RBFOX1: variants seen among roughly 807,000 people sequenced by gnomAD.
RBFOX1 encodes the protein RNA binding protein fox-1 homolog 1.
A neutral mutation model predicts 57.7 loss-of-function variants in RBFOX1; 8 were observed. The ratio of observed to expected loss-of-function variants is 0.14; its 90% CI spans 0.08 to 0.25. RBFOX1 has a LOEUF of 0.25. RBFOX1 is among the 10% of genes least tolerant of loss of function. The probability of loss-of-function intolerance (pLI) is 1.00; values close to 1 mark genes in which losing one functional copy is unlikely to be tolerated. For missense variants in RBFOX1, 611 were observed against 548.5 expected (o/e 1.11, Z -1.14); for synonymous variants, 326 against 222.4 (o/e 1.47, Z -4.15).
intron 1 of RBFOX1, among the ~76,000 whole-genome samples, chr16:5,328,956 A>G (rs1467179739): frequency 6.6e-6 from 1 of 152,210 alleles, no homozygotes; most frequent in East Asian, 1.9e-4. Flanking sequence ...GATGCTTCCG[A>G]ATACTTTATT....
At chr16:6,646,659 G>T (rs866146766) in intron 2 of RBFOX1, among the ~76,000 whole-genome samples, 2 of 152,052 alleles carry the variant, frequency 1.3e-5, no homozygotes, top group South Asian at 2.1e-4. Context: ...TGGTCAGAAC[G>T]GGCAAAAGCA....
chr16:7,327,862 T>A (rs566161297), intron 4 of RBFOX1, among the ~76,000 whole-genome samples: 151 of 152,102 alleles, frequency 9.9e-4, no homozygotes, highest in African/African-American at 3.5e-3. Flanking sequence ...ATCATCATCA[T>A]CCCCTTCTGT....
chr16:5,604,642 C>G (rs908483930), downstream of RBFOX1, among the ~76,000 whole-genome samples: 55 of 152,320 alleles, frequency 3.6e-4, no homozygotes, highest in African/African-American at 1.3e-3. Flanking sequence ...TGGGTCCTGC[C>G]TACATGCTAC....
chr16:7,615,609 C>G (rs2058310077), intron 10 of RBFOX1, among the ~76,000 whole-genome samples: 2 of 152,050 alleles, frequency 1.3e-5, no homozygotes, highest in Non-Finnish European at 2.9e-5. Flanking sequence ...CCCACCAATG[C>G]TTTAGTTAAC....
chr16:5,656,420 G>A (rs1018665973), intron 3 of RBFOX1, among the ~76,000 whole-genome samples: 21 of 152,134 alleles, frequency 1.4e-4, no homozygotes, highest in African/African-American at 5.1e-4. Flanking sequence ...GAATAAGTTG[G>A]CATTTTCAAA....
chr16:7,664,336 TAG>T (rs556561126), intron 12 of RBFOX1, among the ~76,000 whole-genome samples: 18 of 152,138 alleles, frequency 1.2e-4, no homozygotes, highest in African/African-American at 4.1e-4. Flanking sequence ...CACATACTAT[TAG>T]AGATATTCTC....
At chr16:7,046,483 C>G (rs1036532363) in intron 3 of RBFOX1, among the ~76,000 whole-genome samples, 5 of 152,058 alleles carry the variant, frequency 3.3e-5, no homozygotes, top group African/African-American at 7.2e-5. Context: ...ATTAAAATAT[C>G]AAGTTCAATA....
At chr16:6,721,343 C>G (rs544823564) in intron 3 of RBFOX1, among the ~76,000 whole-genome samples, 1 of 151,924 alleles carries the variant, frequency 6.6e-6, no homozygotes, top group Non-Finnish European at 1.5e-5. Context: ...CTTGGGAGGC[C>G]AAGGCAAGGG....
intron 4 of RBFOX1, among the ~76,000 whole-genome samples, chr16:5,959,338 G>A (rs72770961): frequency 0.094 from 14,328 of 152,226 alleles, 855 homozygotes; most frequent in Middle Eastern, 0.2. Context: ...GAATCTCTCA[G>A]TTGTCTGTCT....
intron 1 of RBFOX1, among the ~76,000 whole-genome samples, chr16:6,119,664 C>G (rs1597474846): frequency 6.6e-6 from 1 of 152,146 alleles, no homozygotes; most frequent in African/African-American, 2.4e-5. Flanking sequence ...TAATCTAAAA[C>G]TGTCATTATT....
At chr16:5,762,792 A>G (rs2053634900) in intron 3 of RBFOX1, among the ~76,000 whole-genome samples, 1 of 152,236 alleles carries the variant, frequency 6.6e-6, no homozygotes, top group African/African-American at 2.4e-5. Context: ...TGTCATTTAC[A>G]TAGGTCTGGG....
chr16:7,057,871 G>A (rs1343697285), intron 4 of RBFOX1, among the ~76,000 whole-genome samples: 1 of 152,062 alleles, frequency 6.6e-6, no homozygotes, highest in Non-Finnish European at 1.5e-5. Flanking sequence ...AGCCAGGCAT[G>A]GTGGCGGGCG....
At chr16:7,443,738 C>A (rs2098787772) in intron 4 of RBFOX1, among the ~76,000 whole-genome samples, 1 of 152,194 alleles carries the variant, frequency 6.6e-6, no homozygotes, top group African/African-American at 2.4e-5. Flanking sequence ...TCAAACCTCT[C>A]TAAACCGAAA....
chr16:7,638,355 C>A (rs2062126855), intron 11 of RBFOX1, among the ~76,000 whole-genome samples: 1 of 152,118 alleles, frequency 6.6e-6, no homozygotes, highest in African/African-American at 2.4e-5. Context: ...CCGAGATCAC[C>A]CAGCTAGATC....
intron 3 of RBFOX1, among the ~76,000 whole-genome samples, chr16:5,717,704 G>C (rs1567441916): frequency 1.3e-5 from 2 of 152,148 alleles, no homozygotes; most frequent in East Asian, 1.9e-4. Context: ...TTTCAACACA[G>C]CACTCTCTCT....
chr16:5,772,793 A>G lies in RBFOX1; in HGVS notation c.319-94510A>G, dbSNP rs546438019. Among the ~76,000 whole-genome samples the G allele has an allele frequency of 2.6e-5, 4 of 152,310 alleles. No homozygotes were observed. In the South Asian group the frequency reaches 8.3e-4, roughly 32 times the overall value. ...GATTGGCAGAGACATGCAACAAATA[A>G]TAGCCTGGTGGAAAGGAATGAATAG... On this transcript the variant is annotated intron_variant, in intron 3 of 19. Coordinates refer to the RBFOX1 transcript ENST00000641259.
At chr16:7,627,617 C>G (rs2060279220) in intron 10 of RBFOX1, among the ~76,000 whole-genome samples, 1 of 152,172 alleles carries the variant, frequency 6.6e-6, no homozygotes, top group Non-Finnish European at 1.5e-5. Flanking sequence ...CTTTGAATGA[C>G]CTTGTAGGCC....
At chr16:6,104,596 A>G (rs2096355712) in intron 1 of RBFOX1, among the ~76,000 whole-genome samples, 1 of 152,200 alleles carries the variant, frequency 6.6e-6, no homozygotes, top group South Asian at 2.1e-4. Flanking sequence ...GCCCCAGGCA[A>G]CCACTAATCT....
At chr16:5,895,747 G>A (rs1046240488) in intron 4 of RBFOX1, among the ~76,000 whole-genome samples, 1 of 152,158 alleles carries the variant, frequency 6.6e-6, no homozygotes, top group East Asian at 1.9e-4. Context: ...AGGATTAAAT[G>A]ACATGTCATG....
Sources: allele counts gnomAD v4.1 joint callset (sites outside exome capture counted in the v4.1 genomes callset), GRCh38; gene constraint gnomAD v4.1.1; transcripts MANE v1.5; gene names NCBI Gene and HGNC (gene_info 2026-07-23, HGNC 2026-07-21).